Variants in LUZP2 observed in about 807,000 individuals in gnomAD.
LUZP2 encodes the protein leucine zipper protein 2.
In LUZP2, 52 loss-of-function variants were observed where a neutral mutation model predicts 51.6. The observed-to-expected ratio is 1.01, with a 90% confidence interval of 0.81 to 1.27. The LOEUF (loss-of-function observed/expected upper bound fraction) is 1.27, where lower values mean the gene tolerates loss of function less well. LUZP2 is among the 50% of genes most tolerant of loss of function. LUZP2 has a pLI of 0.00. For synonymous variants in LUZP2, 154 were observed against 137.3 expected (o/e 1.12, Z -0.85); for missense variants, 436 against 395.4 (o/e 1.10, Z -0.87).
intron 7 of LUZP2, among the ~76,000 whole-genome samples, chr11:24,955,139 A>G (rs1185719532): frequency 6.6e-6 from 1 of 152,010 alleles, no homozygotes; most frequent in Non-Finnish European, 1.5e-5. Context: ...GACTTCCCAA[A>G]TGGAACGCCC....
intron 1 of LUZP2, among the ~76,000 whole-genome samples, chr11:24,527,922 C>G (rs1337553232): frequency 6.6e-6 from 1 of 151,210 alleles, no homozygotes; most frequent in Non-Finnish European, 1.5e-5. Flanking sequence ...AGTGCTAAAG[C>G]ATTTGGTTTT....
intron 1 of LUZP2, among the ~76,000 whole-genome samples, chr11:24,681,259 G>A (rs1347016540): frequency 2.0e-5 from 3 of 152,268 alleles, no homozygotes; most frequent in East Asian, 3.9e-4. Flanking sequence ...GGGATTACAG[G>A]TGTGAGCCAC....
chr11:24,616,444 G>T (rs1854289004), intron 1 of LUZP2, among the ~76,000 whole-genome samples: 1 of 141,618 alleles, frequency 7.1e-6, no homozygotes, highest in African/African-American at 2.8e-5. Context: ...TTGTTTGGTG[G>T]TATTGTGTGT....
chr11:24,715,263 A>G lies in LUZP2; in HGVS notation c.63-13906A>G, dbSNP rs867978228. ...ATGGTATCCAATTCAAGGAGCAACT[A>G]TGTGTGTGTGTGTGTGTGTGTGTGT... On this transcript the variant is annotated intron_variant, in intron 1 of 11. Transcript: ENST00000336930. 1.2e-3 allele frequency among the ~76,000 whole-genome samples: 160 copies of G among 133,982 alleles called. 1 individual carries two copies. The highest frequency in any genetic ancestry group is 3.2e-3 in the African/African-American group (118 of 37,026). 87.9% of individuals were successfully genotyped at this position (133,982 alleles called of 152,430 possible).
chr11:25,029,641 G>T (rs1857588088), intron 9 of LUZP2, among the ~76,000 whole-genome samples: 1 of 151,234 alleles, frequency 6.6e-6, no homozygotes, highest in Non-Finnish European at 1.5e-5. Flanking sequence ...GGAGGCTGAG[G>T]CAGGAGAATC....
chr11:24,828,696 G>T (rs1225142000), intron 5 of LUZP2, among the ~76,000 whole-genome samples: 1 of 152,068 alleles, frequency 6.6e-6, no homozygotes, highest in Non-Finnish European at 1.5e-5. Context: ...TCTCAGTGCT[G>T]TCCCAGTCTT....
At chr11:24,955,496 A>G (rs577867695) in intron 7 of LUZP2, among the ~76,000 whole-genome samples, 57 of 152,194 alleles carry the variant, frequency 3.7e-4, no homozygotes, top group Non-Finnish European at 4.7e-4. Flanking sequence ...AGATGTAATA[A>G]AAATTACATG....
At chr11:24,912,488 T>G (rs1213589555) in intron 6 of LUZP2, among the ~76,000 whole-genome samples, 7 of 152,020 alleles carry the variant, frequency 4.6e-5, no homozygotes, top group African/African-American at 1.7e-4. Context: ...AGCTCCAACT[T>G]CACAAATTGA....
intron 1 of LUZP2, among the ~76,000 whole-genome samples, chr11:24,689,847 T>A (rs892027540): frequency 8.5e-5 from 13 of 152,192 alleles, no homozygotes; most frequent in Non-Finnish European, 1.9e-4. Context: ...CCTGATTTTT[T>A]AAATATTTCT....
intron 1 of LUZP2, among the ~76,000 whole-genome samples, chr11:24,605,646 T>C (rs2133875399): frequency 6.6e-6 from 1 of 151,974 alleles, no homozygotes; most frequent in Non-Finnish European, 1.5e-5. Flanking sequence ...CAACTGTGTA[T>C]ATTCAAGGTA....
At chr11:24,774,362 C>CTCTCTATATATATATA (rs776739280) in intron 5 of LUZP2, among the ~76,000 whole-genome samples, 3 of 76,344 alleles carry the variant, frequency 3.9e-5, no homozygotes, top group East Asian at 9.6e-4. Flanking sequence ...CTCTCTCTCT[C>CTCTCTATATATATATA]TATATATATA....
chr11:25,038,621 A>G (rs1463463262), intron 9 of LUZP2, among the ~76,000 whole-genome samples: 1 of 152,220 alleles, frequency 6.6e-6, no homozygotes, highest in African/African-American at 2.4e-5. Flanking sequence ...CTTCCTTGCC[A>G]TCCAGATTCT....
At chr11:24,646,707 T>G in intron 1 of LUZP2, 1 of 532,376 alleles carries the variant, frequency 1.9e-6, no homozygotes, top group Non-Finnish European at 2.4e-6. Flanking sequence ...TCATTGGCCA[T>G]AACTGTGTCC....
chr11:24,548,901 T>C (rs1851639564), intron 1 of LUZP2, among the ~76,000 whole-genome samples: 1 of 152,002 alleles, frequency 6.6e-6, no homozygotes, highest in African/African-American at 2.4e-5. Context: ...ATTTATTGTA[T>C]ATGTTTCATG....
intron 5 of LUZP2, chr11:24,891,168 G>T: frequency 2.0e-6 from 2 of 984,884 alleles, no homozygotes; most frequent in Non-Finnish European, 2.4e-6. Flanking sequence ...CTACTTAACC[G>T]ACAGTATCTA....
At chr11:24,959,919 C>T (rs527268256) in intron 7 of LUZP2, among the ~76,000 whole-genome samples, 16 of 152,180 alleles carry the variant, frequency 1.1e-4, no homozygotes, top group South Asian at 4.1e-4. Context: ...TTTTGAGATA[C>T]GTCCCATCAA....
At chr11:24,921,195 C>A (rs1854041897) in intron 7 of LUZP2, among the ~76,000 whole-genome samples, 1 of 151,988 alleles carries the variant, frequency 6.6e-6, no homozygotes, top group Non-Finnish European at 1.5e-5. Flanking sequence ...ACAGCTCCCC[C>A]ATACAGAGAC....
chr11:24,755,053 A>G (rs909019441), intron 4 of LUZP2, among the ~76,000 whole-genome samples: 5 of 151,932 alleles, frequency 3.3e-5, no homozygotes, highest in African/African-American at 1.2e-4. Context: ...ACTGAGGCAG[A>G]AGAATCACTT....
In LUZP2 at chr11:25,065,996, A is replaced by T. The variant is rs192922352; in HGVS notation, c.859-11333A>T. 1.4e-3 allele frequency among the ~76,000 whole-genome samples: 219 copies of T among 152,140 alleles called. 1 individual carries two copies. Among genetic ancestry groups the T allele is most frequent in the Non-Finnish European group, 2.5e-3 (168 of 67,934 alleles). ...TCTGCACTTATCATGCTTAGCACAC[A>T]AATAGTAAGAGGAACAACAATGAAA... On this transcript the variant is annotated intron_variant, in intron 10 of 11. Coordinates refer to ENST00000336930, the MANE Select transcript of LUZP2 (RefSeq NM_001009909.4).
Sources: gnomAD v4.1 joint callset for allele counts (sites outside exome capture counted in the v4.1 genomes callset) on GRCh38, gnomAD v4.1.1 for gene constraint, MANE v1.5 for transcripts, NCBI Gene and HGNC (gene_info 2026-07-23, HGNC 2026-07-21) for gene names.